The following ZNF566 variants were observed in gnomAD, a reference collection of about 807,000 sequenced individuals.
ZNF566 encodes zinc finger protein 566.
ZNF566 carries 27 observed loss-of-function variants against 32.8 expected under a neutral mutation model. That is an observed-to-expected ratio of 0.82 (90% CI 0.61 to 1.14). The LOEUF (loss-of-function observed/expected upper bound fraction) is 1.14, where lower values mean the gene tolerates loss of function less well. ZNF566 is among the 50% of genes most tolerant of loss of function. The pLI, the probability that ZNF566 is intolerant of heterozygous loss-of-function variation, is 0.00. For synonymous variants in ZNF566, 154 were observed against 159.5 expected (o/e 0.97, Z 0.26); for missense variants, 402 against 490.4 (o/e 0.82, Z 1.70).
chr19:36,484,885 A>G (rs867378270), intron 1 of ZNF566, among the ~76,000 whole-genome samples: 8 of 152,084 alleles, frequency 5.3e-5, no homozygotes, highest in Non-Finnish European at 4.4e-5. Flanking sequence ...CACCGCGCCC[A>G]GCCATTTTTA....
rs2033089495 is a variant in ZNF566, at chr19:36,449,558, G to T, written c.676C>A (p.Pro226Thr). The change falls in exon 5 of 5, where the codon CCC becomes ACC. Residue 226 changes from proline to threonine, a missense_variant. Coordinates refer to ENST00000452939, the MANE Select transcript of ZNF566 (RefSeq NM_001145344.1). ...TTTCCACATTCCTTACATTCAAAGGGTTTCTTGCCAGTATGAATTTTCTGA... is the reference window on the plus strand; with the variant it reads ...TTTCCACATTCCTTACATTCAAAGGTTTTCTTGCCAGTATGAATTTTCTGA... ...HHQKIHTGKK[P>T]FECKECGKTF... 6.2e-7 allele frequency: 1 copy of T among 1,614,100 alleles called. No individual in the cohort carries two copies. Among genetic ancestry groups the T allele is most frequent in the Non-Finnish European group, 8.5e-7 (1 of 1,180,022 alleles).
At chr19:36,466,706 G>C (rs1299656210) in intron 4 of ZNF566, among the ~76,000 whole-genome samples, 2 of 152,168 alleles carry the variant, frequency 1.3e-5, no homozygotes, top group African/African-American at 4.8e-5. Flanking sequence ...AGTAGAAAAA[G>C]ATACTTGTAG....
In ZNF566 at chr19:36,448,417, G is replaced by T. The variant is rs535618104; in HGVS notation, c.*560C>A. On this transcript the variant is annotated 3_prime_UTR_variant, in exon 5 of 5. Coordinates refer to ENST00000452939, the MANE Select transcript of ZNF566 (RefSeq NM_001145344.1). ...AAGAATCTCTATTGAGTAAAATGTCGTTCATGAACATTTTTACAATAAGAA... is the reference window on the plus strand; with the variant it reads ...AAGAATCTCTATTGAGTAAAATGTCTTTCATGAACATTTTTACAATAAGAA... 1 of 152,108 alleles carries T rather than the reference G, an allele frequency of 6.6e-6. No homozygotes were observed. Among genetic ancestry groups the T allele is most frequent in the Non-Finnish European group, 1.5e-5 (1 of 67,966 alleles). The allele number at this position is 152,108 out of a possible 1,614,324, so 9.4% of individuals were successfully genotyped here.
chr19:36,450,371 C>G (rs1474570369), intron 4 of ZNF566, among the ~76,000 whole-genome samples: 3 of 152,140 alleles, frequency 2.0e-5, no homozygotes, highest in African/African-American at 7.2e-5. Flanking sequence ...AATGGCCAGG[C>G]ATGGTGGCTC....
intron 4 of ZNF566, among the ~76,000 whole-genome samples, chr19:36,458,455 C>T (rs2033374874): frequency 6.6e-6 from 1 of 152,054 alleles, no homozygotes; most frequent in African/African-American, 2.4e-5. Flanking sequence ...AAACGTTGAA[C>T]TCATAGAAGA....
intron 1 of ZNF566, 112 bp from the exon 2 acceptor site, chr19:36,476,728 A>G (rs2145693843): frequency 1.2e-6 from 1 of 821,592 alleles, no homozygotes; most frequent in Non-Finnish European, 1.8e-6. Flanking sequence ...GGTATCAGTG[A>G]GGAGAATGGG....
intron 1 of ZNF566, among the ~76,000 whole-genome samples, chr19:36,482,535 CAAAGA>C (rs1228562421): frequency 6.6e-6 from 1 of 150,940 alleles, no homozygotes; most frequent in African/African-American, 2.4e-5. Context: ...AAAAGAGTGG[CAAAGA>C]AAAGAACTAA....
chr19:36,462,228 TCCA>T (rs2033484905), intron 4 of ZNF566, among the ~76,000 whole-genome samples: 1 of 152,076 alleles, frequency 6.6e-6, no homozygotes, highest in Non-Finnish European at 1.5e-5. Context: ...CTTCAGGTGA[TCCA>T]CCCACCTCGG....
chr19:36,459,997 A>G (rs1464660687), intron 4 of ZNF566, among the ~76,000 whole-genome samples: 2 of 147,646 alleles, frequency 1.4e-5, no homozygotes, highest in Admixed American at 6.7e-5. Flanking sequence ...AGTAAAGACG[A>G]GGTTTCAACA....
Position 36,445,341 on chromosome 19 carries a change from C to T in ZNF566, c.*3636G>A, listed in dbSNP as rs1006700143. 6.6e-6 allele frequency: 1 copy of T among 152,048 alleles called. No individual in the cohort carries two copies. The highest frequency in any genetic ancestry group is 1.5e-5 in the Non-Finnish European group (1 of 68,016). The allele number at this position is 152,048 out of a possible 1,614,324, so 9.4% of individuals were successfully genotyped here. Reference sequence around the variant, plus strand: ...ACTTCTGGCATAACTGGTTTTATTCCTGGATAGAAACAAGTCTGACATCCT... The same window carrying T: ...ACTTCTGGCATAACTGGTTTTATTCTTGGATAGAAACAAGTCTGACATCCT... On this transcript the variant is annotated 3_prime_UTR_variant, in exon 5 of 5. Transcript: ENST00000452939.
intron 1 of ZNF566, among the ~76,000 whole-genome samples, chr19:36,486,046 TCTCAA>T (rs2034154882): frequency 6.6e-6 from 1 of 151,764 alleles, no homozygotes; most frequent in African/African-American, 2.4e-5. Context: ...AGAGACTCCG[TCTCAA>T]AGAATAAGAC....
intron 4 of ZNF566, among the ~76,000 whole-genome samples, chr19:36,471,905 G>A (rs1230441643): frequency 1.3e-5 from 2 of 151,970 alleles, no homozygotes; most frequent in Non-Finnish European, 2.9e-5. Flanking sequence ...ACCACACCCA[G>A]CTGATTTTTG....
chr19:36,471,703 C>G (rs1275196782), intron 4 of ZNF566, among the ~76,000 whole-genome samples: 1 of 152,010 alleles, frequency 6.6e-6, no homozygotes, highest in Non-Finnish European at 1.5e-5. Flanking sequence ...ATGTCTCTCC[C>G]TACACTGTGG....
Position 36,446,201 on chromosome 19 carries a change from T to C in ZNF566, c.*2776A>G, listed in dbSNP as rs1382680786. ...AATATACACAACCTTTAAATATTAT[T>C]CAGAAGAAAATTGACAGAGGGGAGG... On this transcript the variant is annotated 3_prime_UTR_variant, in exon 5 of 5. Coordinates refer to ENST00000452939, the MANE Select transcript of ZNF566 (RefSeq NM_001145344.1). 1 of 151,966 alleles carries C rather than the reference T, an allele frequency of 6.6e-6. No homozygotes were observed. The highest frequency in any genetic ancestry group is 2.4e-5 in the African/African-American group (1 of 41,378). The allele number at this position is 151,966 out of a possible 1,614,324, so 9.4% of individuals were successfully genotyped here.
intron 4 of ZNF566, among the ~76,000 whole-genome samples, chr19:36,450,536 G>A (rs559694709): frequency 7.6e-4 from 116 of 152,198 alleles, no homozygotes; most frequent in Non-Finnish European, 1.4e-3. Flanking sequence ...CCCAGCTACT[G>A]GGGAGGCCGA....
At chr19:36,452,724 T>C (rs892592333) in intron 4 of ZNF566, among the ~76,000 whole-genome samples, 5 of 151,832 alleles carry the variant, frequency 3.3e-5, no homozygotes, top group Non-Finnish European at 1.5e-5. Context: ...ACTAACAATA[T>C]AAAAATATAA....
At chr19:36,456,957 C>A (rs2033331154) in intron 4 of ZNF566, among the ~76,000 whole-genome samples, 1 of 152,096 alleles carries the variant, frequency 6.6e-6, no homozygotes, top group African/African-American at 2.4e-5. Context: ...ACAAGAAGAA[C>A]AAAGCTGGAG....
chr19:36,483,070 A>G (rs1387761544), intron 1 of ZNF566, among the ~76,000 whole-genome samples: 3 of 152,184 alleles, frequency 2.0e-5, no homozygotes, highest in African/African-American at 7.2e-5. Flanking sequence ...CATGAGCAAC[A>G]AAGCATCCTT....
intron 1 of ZNF566, among the ~76,000 whole-genome samples, chr19:36,486,270 A>C (rs182665182): frequency 6.6e-6 from 1 of 152,348 alleles, no homozygotes; most frequent in African/African-American, 2.4e-5. Flanking sequence ...AAAGGGCTCT[A>C]ACTTAATTAA....
Sources: gnomAD v4.1 joint callset for allele counts (sites outside exome capture counted in the v4.1 genomes callset) on GRCh38, gnomAD v4.1.1 for gene constraint, MANE v1.5 for transcripts, NCBI Gene and HGNC (gene_info 2026-07-23, HGNC 2026-07-21) for gene names.